Variants in FCRL2 observed in about 807,000 individuals in gnomAD.
FCRL2 encodes Fc receptor like 2.
FCRL2 carries 48 observed loss-of-function variants against 59.8 expected under a neutral mutation model. The observed-to-expected ratio is 0.80, with a 90% CI of 0.64 to 1.02. FCRL2 has a LOEUF of 1.02. FCRL2 is among the 50% of genes least tolerant of loss of function. The pLI is 0.00. For synonymous variants in FCRL2, 251 were observed against 229.5 expected, an observed-to-expected ratio of 1.09 and a Z score of -0.85; for missense variants, 658 against 597.3, an observed-to-expected ratio of 1.10 and a Z score of -1.06.
rs757253829 is a variant in FCRL2 at position 157,746,695 on chromosome 1, C to G, written c.*41G>C. On this transcript the variant is annotated 3_prime_UTR_variant, in exon 12 of 12. Coordinates refer to ENST00000361516, the MANE Select transcript of FCRL2 (RefSeq NM_030764.4). ...TTTTATAGCAAGTCTTAATGATGCC[C>G]CATCCTTGCTGTTGATCTTCCCTTC... 1.9e-6 allele frequency: 3 copies of G among 1,590,882 alleles called. No individual in the cohort carries two copies. The Admixed American group carries it at 5.0e-5, about 27-fold the overall frequency.
chr1:157,751,042 G>A (rs1443729862), intron 7 of FCRL2, among the ~76,000 whole-genome samples: 1 of 152,086 alleles, frequency 6.6e-6, no homozygotes, highest in African/African-American at 2.4e-5. Context: ...AAGGAAGCAA[G>A]TCTTAAGCAA....
intron 2 of FCRL2, among the ~76,000 whole-genome samples, chr1:157,773,548 G>C (rs1650184522): frequency 6.6e-6 from 1 of 152,210 alleles, no homozygotes. Flanking sequence ...GTAGACATAA[G>C]TTGGTTCATA....
intron 1 of FCRL2, 90 bp from the exon 2 acceptor site, chr1:157,775,885 C>A: frequency 1.4e-6 from 2 of 1,416,144 alleles, no homozygotes; most frequent in South Asian, 2.5e-5. Flanking sequence ...TGCTCAAAAA[C>A]TTCTTTCCAT....
At chr1:157,768,794 T>C in intron 4 of FCRL2, 93 bp from the exon 5 acceptor site, 1 of 1,217,084 alleles carries the variant, frequency 8.2e-7, no homozygotes, top group African/African-American at 1.5e-5. Flanking sequence ...AATGTGGGAA[T>C]GTGGAGATTG....
At chr1:157,754,543 G>A (rs935814645) in intron 7 of FCRL2, among the ~76,000 whole-genome samples, 1 of 152,074 alleles carries the variant, frequency 6.6e-6, no homozygotes, top group South Asian at 2.1e-4. Context: ...TCACTGTACG[G>A]TATGGACTCG....
At chr1:157,751,325 G>A (rs1356534547) in intron 7 of FCRL2, among the ~76,000 whole-genome samples, 3 of 152,198 alleles carry the variant, frequency 2.0e-5, no homozygotes, top group African/African-American at 7.2e-5. Context: ...CTGGCAAGAG[G>A]CTAAGAGAAG....
intron 7 of FCRL2, among the ~76,000 whole-genome samples, chr1:157,760,759 A>AAAG (rs1649025816): frequency 1.4e-5 from 2 of 139,720 alleles, no homozygotes; most frequent in Non-Finnish European, 3.2e-5. Context: ...AAGAAAGAAG[A>AAAG]AAGAATGAAA....
chr1:157,749,188 T>C lies in FCRL2; in HGVS notation c.1308-228A>G, dbSNP rs1647996684. Among the ~76,000 whole-genome samples the C allele has an allele frequency of 3.4e-5, 5 of 145,036 alleles. No individual in the cohort carries two copies. In the South Asian group the frequency reaches 1.1e-3, roughly 31 times the overall value. On this transcript the variant is annotated intron_variant, in intron 8 of 11. Coordinates refer to ENST00000361516, the MANE Select transcript of FCRL2 (RefSeq NM_030764.4). ...ATAAGACAATGATATTGCTCCAGAA[T>C]CTTTTTTTTTCTTATAAACTGTCAT...
In FCRL2 at chr1:157,747,389, T is replaced by G. The variant is rs185284770; in HGVS notation, c.1460-490A>C. ...CTTTTCCCCTTTTTCCAGGTAGGCA[T>G]AGTGGGATGACATCCCTTTCCTTCC... On this transcript the variant is annotated intron_variant, in intron 10 of 11. Coordinates refer to ENST00000361516, the MANE Select transcript of FCRL2 (RefSeq NM_030764.4). Among the ~76,000 whole-genome samples the G allele has an allele frequency of 6.3e-4, 96 of 152,334 alleles. 1 individual carries two copies. Among genetic ancestry groups the G allele is most frequent in the South Asian group, 3.1e-3 (15 of 4,820 alleles).
rs1649919532 is a variant in FCRL2 at position 157,770,501 on chromosome 1, A to C, written c.218T>G (p.Val73Gly). The change falls in exon 3 of 12, where the codon GTT (valine) becomes GGT (glycine). Residue 73 changes from valine (V) to glycine (G), a missense_variant. Physicochemically the swap from Val to Gly is moderately radical, Grantham distance 109 (BLOSUM62 -3). Transcript: ENST00000361516. ...KFSDFLIQSA[V>G]LSDSGNYFCS... is the part of the protein sequence containing the mutation. ...GAAATAGTTACCACTGTCACTTAAAACTGCACTTTGGATAAGGAAATCTGA... is the reference window on the plus strand; with the variant it reads ...GAAATAGTTACCACTGTCACTTAAACCTGCACTTTGGATAAGGAAATCTGA... 6.2e-7 allele frequency: 1 copy of C among 1,614,162 alleles called. No individual in the cohort carries two copies. The highest frequency in any genetic ancestry group is 8.5e-7 in the Non-Finnish European group (1 of 1,179,990).
intron 2 of FCRL2, among the ~76,000 whole-genome samples, chr1:157,772,151 G>T (rs971775007): frequency 2.0e-5 from 3 of 150,648 alleles, no homozygotes; most frequent in Non-Finnish European, 4.4e-5. Flanking sequence ...GCCACCGTGG[G>T]ACTCGGAATC....
intron 10 of FCRL2, among the ~76,000 whole-genome samples, chr1:157,748,059 C>T (rs1472437138): frequency 1.3e-5 from 2 of 152,056 alleles, no homozygotes; most frequent in Admixed American, 6.5e-5. Flanking sequence ...AAGAGCCTAC[C>T]TCCAGGTGTC....
intron 7 of FCRL2, among the ~76,000 whole-genome samples, chr1:157,754,578 T>C (rs1457454893): frequency 6.6e-6 from 1 of 152,098 alleles, no homozygotes; most frequent in African/African-American, 2.4e-5. Flanking sequence ...TTACTTGAGA[T>C]TCAAGAACCC....
chr1:157,753,404 AACTC>A (rs1648346780), intron 7 of FCRL2, among the ~76,000 whole-genome samples: 1 of 152,220 alleles, frequency 6.6e-6, no homozygotes, highest in Non-Finnish European at 1.5e-5. Flanking sequence ...TGCTCTATAG[AACTC>A]GAAGAAACAC....
chr1:157,761,584 C>T (rs958252313), intron 7 of FCRL2, among the ~76,000 whole-genome samples: 7 of 152,028 alleles, frequency 4.6e-5, no homozygotes, highest in South Asian at 4.1e-4. Flanking sequence ...ACTCCAGCCT[C>T]GGCAACAGAG....
intron 7 of FCRL2, among the ~76,000 whole-genome samples, chr1:157,761,997 G>C (rs901128931): frequency 6.6e-6 from 1 of 152,190 alleles, no homozygotes; most frequent in Non-Finnish European, 1.5e-5. Context: ...TAAGAAGATA[G>C]TGAAGAATTG....
At chr1:157,751,813 T>C (rs764184887) in intron 7 of FCRL2, among the ~76,000 whole-genome samples, 3 of 152,198 alleles carry the variant, frequency 2.0e-5, no homozygotes, top group Non-Finnish European at 4.4e-5. Flanking sequence ...CATCACAAGA[T>C]GCAGGTAGGT....
At chr1:157,747,564 CT>C (rs1166021277) in intron 10 of FCRL2, among the ~76,000 whole-genome samples, 5 of 152,172 alleles carry the variant, frequency 3.3e-5, no homozygotes, top group Non-Finnish European at 7.3e-5. Flanking sequence ...GAGGACCCAC[CT>C]TCAGAGGCTC....
chr1:157,761,200 G>T (rs1649079632), intron 7 of FCRL2, among the ~76,000 whole-genome samples: 1 of 152,140 alleles, frequency 6.6e-6, no homozygotes, highest in South Asian at 2.1e-4. Flanking sequence ...AAAGCCAGGT[G>T]GTGCAACAAA....
Sources: allele counts gnomAD v4.1 joint callset (sites outside exome capture counted in the v4.1 genomes callset), GRCh38; gene constraint gnomAD v4.1.1; transcripts MANE v1.5; gene names NCBI Gene and HGNC (gene_info 2026-07-23, HGNC 2026-07-21).